Variants in MSRB1 observed in about 807,000 individuals in gnomAD.
The protein encoded by MSRB1 is methionine sulfoxide reductase B1.
A neutral mutation model predicts 15.2 loss-of-function variants in MSRB1; 13 were observed. The observed-to-expected ratio is 0.86, with a 90% CI of 0.56 to 1.36. MSRB1 has a LOEUF of 1.36. Ranked by LOEUF, MSRB1 falls within the 40% of genes most tolerant of loss-of-function variation. The pLI is 0.00. For missense variants in MSRB1, 174 were observed against 155.9 expected (o/e 1.12, Z -0.62); for synonymous variants, 68 against 64.5 (o/e 1.05, Z -0.26).
chr16:1,940,975 T>C, intron 2 of MSRB1, 83 bp from the exon 3 acceptor site: 2 of 1,594,574 alleles, frequency 1.3e-6, no homozygotes, highest in South Asian at 2.2e-5. Context: ...TGGCAGATGG[T>C]GTTTCTTCCC....
chr16:1,941,482 C>A (rs1030746853), intron 1 of MSRB1, 77 bp from the exon 2 acceptor site: 3 of 1,494,344 alleles, frequency 2.0e-6, no homozygotes, highest in African/African-American at 2.8e-5. Context: ...TCCACCAACC[C>A]AGGCAAAGAC....
At position 1,941,344 on chromosome 16, in the gene MSRB1, G is replaced by T; in HGVS notation, c.117C>A (p.His39Gln). The part of the protein sequence containing the change: ...ELFSSRSKYA[H>Q]SSPWPAFTET... ...CGGTGAACGCCGGCCATGGAGACGA[G>T]TGTGCATACTTCGAGCGGCTGGAGA... Residue 39 changes from histidine to glutamine, a missense_variant, in exon 2 of 4, where the codon CAC (histidine) becomes CAA (glutamine). Physicochemically the swap from His to Gln is conservative, Grantham distance 24. Transcript: ENST00000361871. 6.8e-6 allele frequency: 11 copies of T among 1,613,912 alleles called. No homozygotes were observed. The highest frequency in any genetic ancestry group is 9.3e-6 in the Non-Finnish European group (11 of 1,179,996).
intron 1 of MSRB1, among the ~76,000 whole-genome samples, chr16:1,942,527 G>C (rs888230073): frequency 6.6e-6 from 1 of 152,258 alleles, no homozygotes; most frequent in Non-Finnish European, 1.5e-5. Context: ...GGCACTCCTG[G>C]TTCCCCAATT....
rs139752142 is a variant in MSRB1 at position 1,939,086 on chromosome 16, G to T, written c.*26C>A. 20 of 1,612,776 alleles carry T rather than the reference G, an allele frequency of 1.2e-5. No individual in the cohort carries two copies. The African/African-American group carries it at 2.4e-4, about 19-fold the overall frequency. ...AACGTGTGGCCTCAGTGTGGTGGCC[G>T]TCTGGGGTGGGTGTGGGCTGCCCGC... On this transcript the variant is annotated 3_prime_UTR_variant, in exon 4 of 4. Transcript: ENST00000361871.
intron 3 of MSRB1, among the ~76,000 whole-genome samples, chr16:1,939,828 C>G (rs1272662891): frequency 1.3e-5 from 2 of 151,444 alleles, no homozygotes; most frequent in African/African-American, 2.4e-5. Context: ...GTAGTGGGAG[C>G]CTGTAATCCC....
At chr16:1,942,522 T>C (rs766270805) in intron 1 of MSRB1, among the ~76,000 whole-genome samples, 17 of 152,232 alleles carry the variant, frequency 1.1e-4, no homozygotes, top group Non-Finnish European at 2.1e-4. Flanking sequence ...CTGGTGGCAC[T>C]CCTGGTTCCC....
chr16:1,939,338 G>C (rs1463275871), intron 3 of MSRB1, among the ~76,000 whole-genome samples, 195 bp from the exon 4 acceptor site: 1 of 152,224 alleles, frequency 6.6e-6, no homozygotes, highest in Non-Finnish European at 1.5e-5. Flanking sequence ...GAAAAGACCA[G>C]ATGCCCGACT....
chr16:1,941,202 G>C, intron 2 of MSRB1, 55 bp downstream of exon 2: 1 of 1,603,754 alleles, frequency 6.2e-7, no homozygotes, highest in African/African-American at 1.3e-5. Flanking sequence ...GGTGGGACTG[G>C]CTCTCTGCTC....
At chr16:1,941,002 A>G (rs1308584050) in intron 2 of MSRB1, 110 bp from the exon 3 acceptor site, 8 of 1,564,804 alleles carry the variant, frequency 5.1e-6, no homozygotes, top group Admixed American at 1.9e-5. Flanking sequence ...CTATTTCCCA[A>G]GCTGACCGCC....
chr16:1,941,159 C>A (rs780045430), intron 2 of MSRB1, 98 bp downstream of exon 2: 1 of 1,567,162 alleles, frequency 6.4e-7, no homozygotes, highest in Non-Finnish European at 8.7e-7. Flanking sequence ...CGCCTCTAAG[C>A]CCCTGGAGCT....
intron 1 of MSRB1, 150 bp from the exon 2 acceptor site, chr16:1,941,555 C>T: frequency 9.5e-7 from 1 of 1,052,258 alleles, no homozygotes; most frequent in Non-Finnish European, 1.3e-6. Context: ...ACGGGAGGCG[C>T]TGTGCTGAGC....
chr16:1,942,976 C>G, intron 1 of MSRB1, 126 bp downstream of exon 1: 2 of 1,339,688 alleles, frequency 1.5e-6, no homozygotes, highest in African/African-American at 1.5e-5. Context: ...GTTCGCTTCT[C>G]CCCGGCAGCC....
At chr16:1,942,952 T>A (rs530843774) in intron 1 of MSRB1, 150 bp downstream of exon 1, 2 of 1,106,372 alleles carry the variant, frequency 1.8e-6, no homozygotes, top group Non-Finnish European at 2.6e-6. Context: ...TCCTCCGCAG[T>A]CCTTTTGACC....
At chr16:1,939,735 C>T (rs1317661488) in intron 3 of MSRB1, among the ~76,000 whole-genome samples, 1 of 152,126 alleles carries the variant, frequency 6.6e-6, no homozygotes, top group East Asian at 1.9e-4. Context: ...AGGCAGATCA[C>T]CTCAGGTCAG....
At chr16:1,941,507 T>C in intron 1 of MSRB1, 102 bp from the exon 2 acceptor site, 1 of 1,448,702 alleles carries the variant, frequency 6.9e-7, no homozygotes, top group Non-Finnish European at 9.2e-7. Context: ...CTGCCCCCGT[T>C]CCGAGGGTAG....
chr16:1,939,502 C>A (rs1040680389), intron 3 of MSRB1, among the ~76,000 whole-genome samples: 6 of 147,288 alleles, frequency 4.1e-5, no homozygotes, highest in Non-Finnish European at 7.4e-5. Flanking sequence ...CTCGCTCAAC[C>A]CCACAGCACG....
chr16:1,941,048 C>T (rs573603274), intron 2 of MSRB1, 156 bp from the exon 3 acceptor site: 9 of 1,551,704 alleles, frequency 5.8e-6, no homozygotes, highest in Non-Finnish European at 6.1e-6. Flanking sequence ...GGAGCCCGTA[C>T]AGGAAACCTG....
Position 1,938,756 on chromosome 16 carries a change from G to A in MSRB1, c.*356C>T, listed in dbSNP as rs1597020527. On this transcript the variant is annotated 3_prime_UTR_variant, in exon 4 of 4. Coordinates refer to ENST00000361871, the MANE Select transcript of MSRB1 (RefSeq NM_016332.4). The stretch of plus-strand genomic sequence containing the variant: ...TCTTGGAATTGGGCCTCACAGGGGA[G>A]AGTCCAGAGACAGGGCCAGGAAAAG... The A allele has an allele frequency of 3.0e-6, 1 of 336,208 alleles. No individual in the cohort carries two copies. Among genetic ancestry groups the A allele is most frequent in the Non-Finnish European group, 5.5e-6 (1 of 180,718 alleles). 20.8% of individuals were successfully genotyped at this position (336,208 alleles called of 1,614,324 possible).
At chr16:1,942,948 G>A (rs1186570153) in intron 1 of MSRB1, among the ~76,000 whole-genome samples, 154 bp downstream of exon 1, 1 of 149,690 alleles carries the variant, frequency 6.7e-6, no homozygotes, top group Non-Finnish European at 1.5e-5. Flanking sequence ...CCACTCCTCC[G>A]CAGTCCTTTT....
Sources: gnomAD v4.1 joint callset for allele counts (sites outside exome capture counted in the v4.1 genomes callset) on GRCh38, gnomAD v4.1.1 for gene constraint, MANE v1.5 for transcripts, NCBI Gene and HGNC (gene_info 2026-07-23, HGNC 2026-07-21) for gene names.